Variants in ABHD2 observed in about 807,000 individuals in gnomAD.
The protein encoded by ABHD2 is abhydrolase domain containing 2, acylglycerol lipase.
In ABHD2, 20 loss-of-function variants were observed where a neutral mutation model predicts 48.1. That is an observed-to-expected ratio of 0.42 (90% CI 0.29 to 0.60). The LOEUF is 0.60. ABHD2 is among the 20% of genes least tolerant of loss of function. The pLI is 0.24. For missense variants in ABHD2, 405 were observed against 550.9 expected (o/e 0.74, Z 2.65); for synonymous variants, 209 against 214.2 (o/e 0.98, Z 0.21).
chr15:89,146,879 T>C lies in ABHD2; in HGVS notation c.195-4798T>C, dbSNP rs1438426152. On this transcript the variant is annotated intron_variant, in intron 3 of 10. Transcript: ENST00000352732. This position sits in a 1 kb window ranked among gnomAD's most constrained non-coding sequence, Gnocchi z 4.2. The stretch of plus-strand genomic sequence containing the variant: ...TCTCCTAGGTAATATATATTTGTCG[T>C]GTTTCCAATCAAAAATCTAAAATTT... Among the ~76,000 whole-genome samples, 1 of 152,216 alleles carries C rather than the reference T, an allele frequency of 6.6e-6. No individual in the cohort carries two copies. Among genetic ancestry groups the C allele is most frequent in the Non-Finnish European group, 1.5e-5 (1 of 68,036 alleles).
At chr15:89,049,591 G>A in the ABHD2 span, among the ~76,000 whole-genome samples, 5 of 152,236 alleles carry the variant, frequency 3.3e-5, no homozygotes, top group Non-Finnish European at 4.4e-5. Flanking sequence ...TAATCTCCTC[G>A]TGCGCCGTTT....
In ABHD2 at chr15:89,167,103, T is replaced by A. The variant is rs1033315810; in HGVS notation, c.539-8709T>A. On this transcript the variant is annotated intron_variant, in intron 5 of 10. Transcript: ENST00000352732. This position sits in a 1 kb window ranked among gnomAD's most constrained non-coding sequence, Gnocchi z 5.5. ...AGCATGCTGTAGAGATCACCCATGA[T>A]CCAAGACATCTCACTGTAAGAGCTT... Among the ~76,000 whole-genome samples, 6 of 152,206 alleles carry A rather than the reference T, an allele frequency of 3.9e-5. No homozygotes were observed. Among genetic ancestry groups the A allele is most frequent in the Admixed American group, 2.0e-4 (3 of 15,278 alleles).
intron 5 of ABHD2, among the ~76,000 whole-genome samples, chr15:89,170,639 C>A (rs1391064148): frequency 6.6e-6 from 1 of 152,148 alleles, no homozygotes; most frequent in East Asian, 1.9e-4. Context: ...AGGCCTATAC[C>A]AATGTGTACT....
chr15:89,104,174 T>C lies in ABHD2; in HGVS notation c.-106-9551T>C, dbSNP rs1399843357. 6.6e-6 allele frequency: 1 copy of C among 152,264 alleles called. No individual in the cohort carries two copies. Among genetic ancestry groups the C allele is most frequent in the Non-Finnish European group, 1.5e-5 (1 of 68,084 alleles). The allele number at this position is 152,264 out of a possible 1,614,324, so 9.4% of individuals were successfully genotyped here. Reference sequence around the variant, plus strand: ...GAGCTTTTTCTGCTGTCTCTCCCTGTGTAACAGGGTCTGGTGGCCGAGCCC... The same window carrying C: ...GAGCTTTTTCTGCTGTCTCTCCCTGCGTAACAGGGTCTGGTGGCCGAGCCC... On this transcript the variant is annotated intron_variant, in intron 1 of 10. Coordinates refer to ENST00000352732, the MANE Select transcript of ABHD2 (RefSeq NM_152924.5). This position sits in a 1 kb window ranked among gnomAD's most constrained non-coding sequence, Gnocchi z 4.4.
intron 5 of ABHD2, among the ~76,000 whole-genome samples, chr15:89,170,393 G>A (rs1042649900): frequency 4.6e-5 from 7 of 151,930 alleles, no homozygotes; most frequent in South Asian, 2.1e-4. Flanking sequence ...CACCGCGCCC[G>A]GCCAGATTCA....
chr15:89,149,452 C>G (rs2050555471), intron 3 of ABHD2, among the ~76,000 whole-genome samples: 1 of 152,100 alleles, frequency 6.6e-6, no homozygotes, highest in Non-Finnish European at 1.5e-5. Flanking sequence ...TGAAGCAAAT[C>G]TCCCCCAGGT....
In ABHD2 at chr15:89,134,636, A is replaced by G. The variant is rs979880753; in HGVS notation, c.195-17041A>G. On this transcript the variant is annotated intron_variant, in intron 3 of 10. Transcript: ENST00000352732. Reference sequence around the variant, plus strand: ...TTCATTTTTCCAAATGAACTTTAGAATGCTTGTTTAATTCCACATATAAAA... The same window carrying G: ...TTCATTTTTCCAAATGAACTTTAGAGTGCTTGTTTAATTCCACATATAAAA... Among the ~76,000 whole-genome samples the G allele has an allele frequency of 7.2e-5, 11 of 152,164 alleles. 1 individual carries two copies. The highest frequency in any genetic ancestry group is 2.7e-4 in the African/African-American group (11 of 41,428).
At chr15:89,075,812 A>T in the ABHD2 span, among the ~76,000 whole-genome samples, 1 of 152,196 alleles carries the variant, frequency 6.6e-6, no homozygotes. The surrounding 1 kb of genome is among the most constrained non-coding windows in gnomAD (Gnocchi z 4.1). Flanking sequence ...AGGCACAGGA[A>T]GAAGAGTCCA....
chr15:89,113,856 C>T (rs1242267256), intron 2 of ABHD2, 32 bp downstream of exon 2: 1 of 152,094 alleles, frequency 6.6e-6, no homozygotes, highest in Non-Finnish European at 1.5e-5. Context: ...ATTTTTGTTT[C>T]TCCTCCCCTT....
chr15:89,130,387 A>G (rs2050200230), intron 3 of ABHD2, among the ~76,000 whole-genome samples: 1 of 152,118 alleles, frequency 6.6e-6, no homozygotes, highest in Non-Finnish European at 1.5e-5. Flanking sequence ...CACCTCACAC[A>G]CTGGCTCTTA....
At position 89,096,775 on chromosome 15, in the gene ABHD2, G is replaced by A. The variant is rs192755305; in HGVS notation, c.-107+8212G>A. 1.1e-4 allele frequency among the ~76,000 whole-genome samples: 17 copies of A among 152,336 alleles called. No individual in the cohort carries two copies. The East Asian group carries it at 1.2e-3, about 10-fold the overall frequency. On this transcript the variant is annotated intron_variant, in intron 1 of 10. Coordinates refer to ENST00000352732, the MANE Select transcript of ABHD2 (RefSeq NM_152924.5). ...GGTTTGGGAAAGACACTTTACAGGG[G>A]AGCAGGTACAAGTCATCATACCCGT... is the stretch of plus-strand genomic sequence containing the variant.
the ABHD2 span, among the ~76,000 whole-genome samples, chr15:89,043,951 G>A: frequency 6.7e-5 from 10 of 149,524 alleles, no homozygotes; most frequent in East Asian, 2.0e-3. Context: ...TGTGCACAAT[G>A]TGCAGGTTAG....
intron 1 of ABHD2, among the ~76,000 whole-genome samples, chr15:89,105,147 C>T (rs1336035254): frequency 6.6e-6 from 1 of 152,292 alleles, no homozygotes; most frequent in Admixed American, 6.5e-5. Context: ...TTTACCCATT[C>T]GTTCTCTCAT....
rs2051428773 is a variant in ABHD2 at position 89,197,701 on chromosome 15, G to A, written c.*2278G>A. 1 of 152,246 alleles carries A rather than the reference G, an allele frequency of 6.6e-6. No homozygotes were observed. The highest frequency in any genetic ancestry group is 6.5e-5 in the Admixed American group (1 of 15,284). The allele number at this position is 152,246 out of a possible 1,614,324, so 9.4% of individuals were successfully genotyped here. A position where few individuals can be genotyped will look rare whatever the true frequency, so the allele number is the denominator to read the frequency against. ...GTCACACAAACCGGTGTGGGGGAGG[G>A]TGGAGCCTGGTCTGCACGGCAGTCC... On this transcript the variant is annotated 3_prime_UTR_variant, in exon 11 of 11. Coordinates refer to ENST00000352732, the MANE Select transcript of ABHD2 (RefSeq NM_152924.5). This position sits in a 1 kb window ranked among gnomAD's most constrained non-coding sequence, Gnocchi z 4.4.
In ABHD2 at chr15:89,126,475, G is replaced by A. The variant is rs184032182; in HGVS notation, c.194+9954G>A. 2.9e-3 allele frequency among the ~76,000 whole-genome samples: 445 copies of A among 152,314 alleles called. 13 individuals are homozygous for A. The highest frequency in any genetic ancestry group is 0.026 in the Admixed American group (394 of 15,302). On this transcript the variant is annotated intron_variant, in intron 3 of 10. Coordinates refer to ENST00000352732, the MANE Select transcript of ABHD2 (RefSeq NM_152924.5). ...AGAAAGTCTCGAATTTCTAAGGATA[G>A]CCAACTTTTATCAGCCTCTCATGTT...
At chr15:89,181,971 T>C (rs10852118) in intron 6 of ABHD2, among the ~76,000 whole-genome samples, 91,735 of 152,070 alleles carry the variant, frequency 0.6, 28,039 homozygotes, top group East Asian at 0.81. Context: ...GAGAAATCTC[T>C]CACTAGAAAA....
chr15:89,109,484 C>A (rs561083531), intron 1 of ABHD2, among the ~76,000 whole-genome samples: 1 of 151,878 alleles, frequency 6.6e-6, no homozygotes, highest in African/African-American at 2.4e-5. Flanking sequence ...GGTAGGGAGA[C>A]GCTTCCTTTC....
At chr15:89,118,307 C>A (rs2049994337) in intron 3 of ABHD2, among the ~76,000 whole-genome samples, 1 of 151,952 alleles carries the variant, frequency 6.6e-6, no homozygotes, top group African/African-American at 2.4e-5. Context: ...CCTTAGCCTC[C>A]CCAGTAGCTG....
At chr15:89,130,006 G>T (rs2050194360) in intron 3 of ABHD2, among the ~76,000 whole-genome samples, 1 of 152,182 alleles carries the variant, frequency 6.6e-6, no homozygotes, top group Admixed American at 6.5e-5. Flanking sequence ...GGTAAAAGAT[G>T]TGCCTAGATA....
Sources: allele counts gnomAD v4.1 joint callset (sites outside exome capture counted in the v4.1 genomes callset), GRCh38; gene constraint gnomAD v4.1.1; non-coding constraint Gnocchi (gnomAD v3.1); transcripts MANE v1.5; gene names NCBI Gene and HGNC (gene_info 2026-07-23, HGNC 2026-07-21).